The following CDH2 variants were observed in gnomAD, a reference collection of about 807,000 sequenced individuals.
The protein encoded by CDH2 is cadherin 2, also known as cadherin-2.
In CDH2, 17 loss-of-function variants were observed where a neutral mutation model predicts 92.0. The observed-to-expected ratio is 0.18, with a 90% CI of 0.13 to 0.28. CDH2 has a LOEUF of 0.28. CDH2 is among the 10% of genes least tolerant of loss of function. The pLI, the probability that CDH2 is intolerant of heterozygous loss-of-function variation, is 1.00. For missense variants in CDH2, 862 were observed against 1,133.1 expected, an observed-to-expected ratio of 0.76 and a Z score of 3.44; for synonymous variants, 419 against 415.9, an observed-to-expected ratio of 1.01 and a Z score of -0.09.
rs529613772 is a variant in CDH2 at position 28,111,164 on chromosome 18, T to C, written c.172+36509A>G. On this transcript the variant is annotated intron_variant, in intron 2 of 15. Coordinates refer to ENST00000269141, the MANE Select transcript of CDH2 (RefSeq NM_001792.5). ...AGGCATTGGAAAGAGGCAAATCAAATGCTGCCAGGGAAGAAAACAACAGAG... is the reference window on the plus strand; with the variant it reads ...AGGCATTGGAAAGAGGCAAATCAAACGCTGCCAGGGAAGAAAACAACAGAG... Among the ~76,000 whole-genome samples, 37 of 152,288 alleles carry C rather than the reference T, an allele frequency of 2.4e-4. No individual in the cohort carries two copies. The East Asian group carries it at 2.5e-3, about 10-fold the overall frequency.
intron 14 of CDH2, among the ~76,000 whole-genome samples, chr18:27,973,800 C>T (rs1391155252): frequency 6.6e-6 from 1 of 152,084 alleles, no homozygotes; most frequent in Non-Finnish European, 1.5e-5. Flanking sequence ...TAAAAATCTC[C>T]CAAAAATCAT....
chr18:28,174,667 G>C (rs530975251), intron 1 of CDH2, among the ~76,000 whole-genome samples: 24 of 152,274 alleles, frequency 1.6e-4, no homozygotes, highest in African/African-American at 5.5e-4. Flanking sequence ...AAAACTGACA[G>C]AAAATTCACA....
intron 2 of CDH2, among the ~76,000 whole-genome samples, chr18:28,128,245 C>CT (rs1036417132): frequency 1.3e-5 from 2 of 152,124 alleles, no homozygotes; most frequent in Non-Finnish European, 2.9e-5. Context: ...TTCTGAAAAA[C>CT]TTGTTCAATT....
intron 1 of CDH2, among the ~76,000 whole-genome samples, chr18:28,163,267 A>ACTG (rs1349842195): frequency 6.6e-6 from 1 of 152,224 alleles, no homozygotes; most frequent in Admixed American, 6.5e-5. Flanking sequence ...CTATGCACAT[A>ACTG]CTGCTGGCAG....
intron 2 of CDH2, among the ~76,000 whole-genome samples, chr18:28,042,517 G>C (rs2013967403): frequency 6.6e-6 from 1 of 152,122 alleles, no homozygotes; most frequent in Admixed American, 6.6e-5. Context: ...AAGGAGACAA[G>C]TTGTCTCACT....
chr18:28,176,818 C>T (rs536100529), intron 1 of CDH2, 145 bp downstream of exon 1: 440 of 258,384 alleles, frequency 1.7e-3, no homozygotes, highest in Non-Finnish European at 2.2e-3. Context: ...TGCGCAGCTA[C>T]CGGCCGCGCG....
chr18:28,171,553 T>C (rs2016464565), intron 1 of CDH2, among the ~76,000 whole-genome samples: 1 of 152,146 alleles, frequency 6.6e-6, no homozygotes, highest in Admixed American at 6.6e-5. Context: ...AAATTTTAAG[T>C]TTAAAATTCA....
intron 2 of CDH2, among the ~76,000 whole-genome samples, chr18:28,043,890 ATTTTTTTTTTTTTTTTTT>A (rs67532914): frequency 5.8e-4 from 53 of 91,456 alleles, no homozygotes; most frequent in East Asian, 1.7e-3. Flanking sequence ...AGAATCTCGG[ATTTTTTTTTTTTTTTTTT>A]TTTTTTTTTT....
Position 28,009,711 on chromosome 18 carries a change from T to A in CDH2, c.702+6A>T, listed in dbSNP as rs17493682. 814 of 1,613,210 alleles carry A rather than the reference T, an allele frequency of 5.0e-4. 5 individuals carry two copies. The African/African-American group carries it at 9.9e-3, about 20-fold the overall frequency. ...ACACAGAATTATCAGCTGGTTGGAA[T>A]CTTACATGAAACCGGGCTATCTGCT... On this transcript the variant is annotated splice_donor_region_variant and intron_variant, in intron 5 of 15. Coordinates refer to ENST00000269141, the MANE Select transcript of CDH2 (RefSeq NM_001792.5).
At chr18:28,111,317 C>A (rs1383684923) in intron 2 of CDH2, among the ~76,000 whole-genome samples, 1 of 152,186 alleles carries the variant, frequency 6.6e-6, no homozygotes, top group African/African-American at 2.4e-5. Context: ...GCATACGTGA[C>A]CCCAATCCCA....
chr18:28,119,938 C>T (rs1598488719), intron 2 of CDH2, among the ~76,000 whole-genome samples: 2 of 151,942 alleles, frequency 1.3e-5, no homozygotes, highest in Admixed American at 1.3e-4. Context: ...CAATACTATA[C>T]GAGGACCAAA....
chr18:27,988,850 G>A (rs1001431707), intron 10 of CDH2, among the ~76,000 whole-genome samples, 184 bp from the exon 11 acceptor site: 1 of 152,206 alleles, frequency 6.6e-6, no homozygotes, highest in South Asian at 2.1e-4. Flanking sequence ...TAAAGGTTGT[G>A]TTTGGTCAGG....
At chr18:28,059,389 A>G (rs2014357405) in intron 2 of CDH2, among the ~76,000 whole-genome samples, 1 of 152,226 alleles carries the variant, frequency 6.6e-6, no homozygotes, top group African/African-American at 2.4e-5. Context: ...CCAACAGACC[A>G]AACTAATATG....
At chr18:28,020,981 A>G (rs775187963) in intron 2 of CDH2, among the ~76,000 whole-genome samples, 6 of 152,002 alleles carry the variant, frequency 3.9e-5, no homozygotes, top group Non-Finnish European at 8.8e-5. Context: ...TTGAAAAAGT[A>G]TAACATTTCT....
intron 2 of CDH2, among the ~76,000 whole-genome samples, chr18:28,085,692 G>A (rs2014913682): frequency 1.3e-5 from 2 of 152,006 alleles, no homozygotes; most frequent in African/African-American, 2.4e-5. Context: ...TCACACATCG[G>A]ATGGAAATCT....
At chr18:28,020,792 G>A (rs117959411) in intron 2 of CDH2, among the ~76,000 whole-genome samples, 2,575 of 151,996 alleles carry the variant, frequency 0.017, 35 homozygotes, top group Middle Eastern at 0.038. Flanking sequence ...AGAATGAACC[G>A]TATTGCAAAC....
chr18:27,941,265 G>A (rs1461541192), intron 6 of CDH2, among the ~76,000 whole-genome samples: 1 of 152,016 alleles, frequency 6.6e-6, no homozygotes, highest in Non-Finnish European at 1.5e-5. Context: ...TTGATCTCCT[G>A]ACCTCGTGAT....
chr18:28,106,550 A>C lies in CDH2; in HGVS notation c.172+41123T>G, dbSNP rs2015326368. ...AGACAAACATTATCCAGTACAGTTAAAAATTTCTAGGTATGATTTAAAAAT... is the reference window on the plus strand; with the variant it reads ...AGACAAACATTATCCAGTACAGTTACAAATTTCTAGGTATGATTTAAAAAT... On this transcript the variant is annotated intron_variant, in intron 2 of 15. Coordinates refer to ENST00000269141, the MANE Select transcript of CDH2 (RefSeq NM_001792.5). Among the ~76,000 whole-genome samples the C allele has an allele frequency of 2.0e-5, 3 of 152,070 alleles. No homozygotes were observed. The South Asian group carries it at 6.2e-4, about 32-fold the overall frequency.
At chr18:27,960,499 C>T (rs1383427615) in intron 15 of CDH2, among the ~76,000 whole-genome samples, 1 of 152,110 alleles carries the variant, frequency 6.6e-6, no homozygotes, top group African/African-American at 2.4e-5. Context: ...AGTTGGAAAG[C>T]CAAATAAGAA....
Sources: gnomAD v4.1 joint callset for allele counts (sites outside exome capture counted in the v4.1 genomes callset) on GRCh38, gnomAD v4.1.1 for gene constraint, MANE v1.5 for transcripts, NCBI Gene and HGNC (gene_info 2026-07-23, HGNC 2026-07-21) for gene names.